Variants in MSRA observed in about 807,000 individuals in gnomAD.
MSRA encodes the protein mitochondrial peptide methionine sulfoxide reductase.
Under a neutral mutation model 31.3 loss-of-function variants are expected in MSRA, and 54 were observed. The ratio of observed to expected loss-of-function variants is 1.73; its 90% CI spans 1.39 to 2.17. The LOEUF (loss-of-function observed/expected upper bound fraction) is 2.17. MSRA is among the 30% of genes most tolerant of loss of function. MSRA has a pLI of 0.00. For synonymous variants in MSRA, 169 were observed against 116.5 expected, an observed-to-expected ratio of 1.45 and a Z score of -2.90; for missense variants, 507 against 300.9, an observed-to-expected ratio of 1.69 and a Z score of -5.07.
At chr8:10,349,336 G>T (rs1025978023) in intron 5 of MSRA, among the ~76,000 whole-genome samples, 1 of 152,076 alleles carries the variant, frequency 6.6e-6, no homozygotes, top group Admixed American at 6.5e-5. Context: ...TTTCTGCTCC[G>T]CCGTGCTCTT....
At chr8:10,366,659 G>A (rs908161489) in intron 5 of MSRA, among the ~76,000 whole-genome samples, 1 of 152,180 alleles carries the variant, frequency 6.6e-6, no homozygotes, top group Non-Finnish European at 1.5e-5. Context: ...GCTTGTACCT[G>A]TAACAGTACC....
chr8:10,123,079 C>G (rs1801242623), intron 1 of MSRA, among the ~76,000 whole-genome samples: 1 of 152,220 alleles, frequency 6.6e-6, no homozygotes, highest in African/African-American at 2.4e-5. Flanking sequence ...AATAGCAGTT[C>G]TGTTTTTAGC....
intron 1 of MSRA, among the ~76,000 whole-genome samples, chr8:10,090,744 A>T (rs780194075): frequency 2.0e-5 from 3 of 152,112 alleles, no homozygotes; most frequent in African/African-American, 4.8e-5. Flanking sequence ...GTGTCTGTGG[A>T]TTTGCTTCTT....
chr8:10,093,843 A>G (rs536841575), intron 1 of MSRA, among the ~76,000 whole-genome samples: 4 of 152,284 alleles, frequency 2.6e-5, no homozygotes, highest in East Asian at 1.9e-4. Flanking sequence ...GAATGTCTTA[A>G]TGTCTCCTTC....
At chr8:10,417,149 T>C (rs1249300988) in intron 5 of MSRA, among the ~76,000 whole-genome samples, 5 of 152,122 alleles carry the variant, frequency 3.3e-5, no homozygotes, top group Non-Finnish European at 7.4e-5. Flanking sequence ...TTAGATCTAA[T>C]TGTGTCACCT....
At chr8:10,245,775 C>A (rs1183729663) in intron 3 of MSRA, among the ~76,000 whole-genome samples, 6 of 152,186 alleles carry the variant, frequency 3.9e-5, no homozygotes, top group African/African-American at 9.7e-5. Context: ...AGGATGAGGC[C>A]CATTCTCTGT....
intron 1 of MSRA, among the ~76,000 whole-genome samples, chr8:10,058,312 T>C (rs1802508537): frequency 6.6e-6 from 1 of 152,036 alleles, no homozygotes; most frequent in Non-Finnish European, 1.5e-5. Context: ...AAGAAAAAGA[T>C]GAAAGTACAA....
At chr8:10,281,482 C>T (rs912124839) in intron 3 of MSRA, among the ~76,000 whole-genome samples, 2 of 152,198 alleles carry the variant, frequency 1.3e-5, no homozygotes, top group African/African-American at 2.4e-5. Flanking sequence ...GACAATGCGG[C>T]GGTGCTTACT....
At chr8:10,136,013 G>T (rs1802244117) in intron 1 of MSRA, among the ~76,000 whole-genome samples, 1 of 152,126 alleles carries the variant, frequency 6.6e-6, no homozygotes, top group Non-Finnish European at 1.5e-5. Flanking sequence ...GAGGGGACCT[G>T]CATGTCGGGT....
chr8:10,243,440 G>A (rs1797445485), intron 2 of MSRA, among the ~76,000 whole-genome samples: 1 of 152,092 alleles, frequency 6.6e-6, no homozygotes, highest in Admixed American at 6.5e-5. Flanking sequence ...TTTTGCCGGA[G>A]ACCTGTGGAT....
chr8:10,166,446 GT>G, intron 1 of MSRA, among the ~76,000 whole-genome samples: 1 of 152,256 alleles, frequency 6.6e-6, no homozygotes, highest in African/African-American at 2.4e-5. Context: ...ATGCATTTGT[GT>G]GACTACATAT....
At chr8:10,297,663 A>G (rs1479826859) in intron 3 of MSRA, among the ~76,000 whole-genome samples, 1 of 152,234 alleles carries the variant, frequency 6.6e-6, no homozygotes, top group Non-Finnish European at 1.5e-5. Flanking sequence ...AATAAAGTAA[A>G]GAAACTTAAA....
intron 5 of MSRA, among the ~76,000 whole-genome samples, chr8:10,344,328 C>T (rs903543816): frequency 3.3e-5 from 5 of 152,030 alleles, no homozygotes; most frequent in Non-Finnish European, 7.4e-5. Context: ...CAATCAAAGC[C>T]AGCCATTTCC....
intron 1 of MSRA, among the ~76,000 whole-genome samples, chr8:10,160,382 C>G (rs1448436350): frequency 1.3e-5 from 2 of 151,898 alleles, no homozygotes; most frequent in Non-Finnish European, 2.9e-5. Flanking sequence ...GTAGTCCCAG[C>G]TACTTGGGAG....
chr8:10,320,033 A>T, intron 5 of MSRA, 44 bp downstream of exon 5: 4 of 1,326,526 alleles, frequency 3.0e-6, no homozygotes, highest in Non-Finnish European at 3.2e-6. Context: ...GGCCACCATG[A>T]CTAGGGCCAG....
chr8:10,401,985 A>C (rs4278159), intron 5 of MSRA, among the ~76,000 whole-genome samples: 2 of 152,358 alleles, frequency 1.3e-5, no homozygotes, highest in East Asian at 3.9e-4. Flanking sequence ...TGATGGTTGC[A>C]CAGCACTGTA....
chr8:10,085,611 G>T (rs750921437), intron 1 of MSRA, among the ~76,000 whole-genome samples: 2 of 152,086 alleles, frequency 1.3e-5, no homozygotes, highest in Non-Finnish European at 2.9e-5. Context: ...TATCATTTAT[G>T]TACCACAAAA....
In MSRA at chr8:10,107,369, C is replaced by G. The variant is rs183967628; in HGVS notation, c.142+52711C>G. ...TTTAGTTTGCCTCCTTGTAACCAAA[C>G]CGATGAAAATCTCCTTTTCTGACCT... On this transcript the variant is annotated intron_variant, in intron 1 of 5. Transcript: ENST00000317173. 1.3e-4 allele frequency among the ~76,000 whole-genome samples: 20 copies of G among 152,120 alleles called. No individual in the cohort carries two copies. The East Asian group carries it at 3.1e-3, about 24-fold the overall frequency.
chr8:10,382,314 G>C (rs776925188), intron 5 of MSRA, among the ~76,000 whole-genome samples: 1 of 152,156 alleles, frequency 6.6e-6, no homozygotes, highest in Non-Finnish European at 1.5e-5. Flanking sequence ...CCTGCACTGC[G>C]GCTCTCTTGA....
Sources: allele counts gnomAD v4.1 joint callset (sites outside exome capture counted in the v4.1 genomes callset), GRCh38; gene constraint gnomAD v4.1.1; transcripts MANE v1.5; gene names NCBI Gene and HGNC (gene_info 2026-07-23, HGNC 2026-07-21).